The following PLXNC1 variants were observed in gnomAD, a reference collection of about 807,000 sequenced individuals.
PLXNC1 encodes the protein plexin C1, also known as plexin-C1.
PLXNC1 carries 75 observed loss-of-function variants against 178.2 expected under a neutral mutation model. The ratio of observed to expected loss-of-function variants is 0.42; its 90% confidence interval spans 0.35 to 0.51. The LOEUF (loss-of-function observed/expected upper bound fraction) is 0.51. Among genes scored for constraint, PLXNC1 ranks in the 20% least tolerant of loss-of-function variants. The pLI, the probability that PLXNC1 is intolerant of heterozygous loss-of-function variation, is 0.02. For synonymous variants in PLXNC1, 790 were observed against 779.9 expected (o/e 1.01, Z -0.22); for missense variants, 1,503 against 1,984.4 (o/e 0.76, Z 4.61).
intron 11 of PLXNC1, 31 bp downstream of exon 11, chr12:94,240,695 T>C (rs1160174625): frequency 1.3e-6 from 2 of 1,547,092 alleles, no homozygotes; most frequent in Non-Finnish European, 1.8e-6. Flanking sequence ...CTTTTTCTCA[T>C]TGTGGTTAAA....
chr12:94,303,513 C>T (rs954241394), intron 28 of PLXNC1, among the ~76,000 whole-genome samples: 3 of 152,002 alleles, frequency 2.0e-5, no homozygotes, highest in African/African-American at 7.2e-5. Context: ...GAGAGGAAGG[C>T]AGAATATATT....
chr12:94,156,607 A>C (rs1961175964), intron 1 of PLXNC1, among the ~76,000 whole-genome samples: 1 of 151,682 alleles, frequency 6.6e-6, no homozygotes. Flanking sequence ...CCTCCTGAGT[A>C]GCTGGGACCA....
At chr12:94,286,042 T>TGAA (rs1273459311) in intron 23 of PLXNC1, among the ~76,000 whole-genome samples, 3 of 152,128 alleles carry the variant, frequency 2.0e-5, no homozygotes, top group Non-Finnish European at 4.4e-5. Flanking sequence ...CAAGGCAAGG[T>TGAA]GAAGGCCTGT....
chr12:94,291,374 C>T (rs1213303778), intron 23 of PLXNC1, among the ~76,000 whole-genome samples: 5 of 152,146 alleles, frequency 3.3e-5, no homozygotes, highest in Admixed American at 1.3e-4. Flanking sequence ...CAGGCGTGTG[C>T]CACAATGCTC....
chr12:94,222,270 C>T (rs3847814), intron 6 of PLXNC1, among the ~76,000 whole-genome samples: 35,156 of 152,054 alleles, frequency 0.23, 4,478 homozygotes, highest in African/African-American at 0.32. Context: ...CTTCACCTGC[C>T]GTTTTCTGAA....
chr12:94,186,298 TCA>T, intron 3 of PLXNC1, 73 bp from the exon 4 acceptor site: 1 of 1,059,664 alleles, frequency 9.4e-7, no homozygotes, highest in South Asian at 1.3e-5. Flanking sequence ...TTTTGGCCCT[TCA>T]TTAGATAAGG....
intron 26 of PLXNC1, among the ~76,000 whole-genome samples, chr12:94,298,020 T>C (rs1287781698): frequency 6.6e-6 from 1 of 152,162 alleles, no homozygotes; most frequent in Admixed American, 6.6e-5. Context: ...AATGCTATGA[T>C]CTACACTTGG....
chr12:94,267,249 A>G (rs1965294995), intron 21 of PLXNC1, among the ~76,000 whole-genome samples: 1 of 152,230 alleles, frequency 6.6e-6, no homozygotes, highest in Non-Finnish European at 1.5e-5. Flanking sequence ...AAAGGAGAAG[A>G]TGGGTTGGAA....
chr12:94,281,724 G>A (rs1490076366), intron 22 of PLXNC1: 1 of 153,012 alleles, frequency 6.5e-6, no homozygotes, highest in Admixed American at 6.5e-5. Flanking sequence ...TCCAGCCTAT[G>A]TGCAATCTTT....
rs1039580054 is a variant in PLXNC1 at position 94,254,937 on chromosome 12, A to G, written c.2983+49A>G. 17 of 1,429,434 alleles carry G rather than the reference A, an allele frequency of 1.2e-5. No individual in the cohort carries two copies. The African/African-American group carries it at 2.4e-4, about 20-fold the overall frequency. The allele number at this position is 1,429,434 out of a possible 1,614,324, so 88.5% of individuals were successfully genotyped here. A position where few individuals can be genotyped will look rare whatever the true frequency, so the allele number is the denominator to read the frequency against. ...AGAAAAACAAGCCTTTTATATTTAT[A>G]CTTTTATTTTTTTACCCTTACATAG... On this transcript the variant is annotated intron_variant, in intron 16 of 30. Transcript: ENST00000258526.
At chr12:94,216,102 C>A (rs1221726708) in intron 5 of PLXNC1, among the ~76,000 whole-genome samples, 4 of 151,996 alleles carry the variant, frequency 2.6e-5, no homozygotes, top group Non-Finnish European at 5.9e-5. Context: ...ACTGTCTCTA[C>A]TACAAATACA....
intron 14 of PLXNC1, among the ~76,000 whole-genome samples, chr12:94,250,642 C>CA (rs1046874753): frequency 2.6e-5 from 4 of 152,006 alleles, no homozygotes; most frequent in African/African-American, 4.8e-5. Context: ...AAATATAACC[C>CA]AAAAAAATGC....
At chr12:94,156,073 C>A (rs138445478) in intron 1 of PLXNC1, among the ~76,000 whole-genome samples, 1,974 of 152,310 alleles carry the variant, frequency 0.013, 23 homozygotes, top group Middle Eastern at 0.017. Context: ...ATTATTCAAC[C>A]TTTCTGTGCC....
intron 5 of PLXNC1, among the ~76,000 whole-genome samples, chr12:94,213,726 C>T (rs1963560017): frequency 6.6e-6 from 1 of 152,130 alleles, no homozygotes; most frequent in Non-Finnish European, 1.5e-5. Flanking sequence ...AAGTCTTTGC[C>T]CATGCCTATG....
At chr12:94,157,500 A>T (rs1469236903) in intron 1 of PLXNC1, among the ~76,000 whole-genome samples, 1 of 152,192 alleles carries the variant, frequency 6.6e-6, no homozygotes, top group Non-Finnish European at 1.5e-5. Flanking sequence ...GTTTTTTATG[A>T]AATGTGCTTA....
intron 3 of PLXNC1, among the ~76,000 whole-genome samples, chr12:94,185,165 G>A (rs1962465373): frequency 1.3e-5 from 2 of 152,164 alleles, no homozygotes; most frequent in African/African-American, 4.8e-5. Flanking sequence ...CTCTATTCTG[G>A]TTAATTCCGG....
At chr12:94,265,985 TGGA>T (rs1020227304) in intron 21 of PLXNC1, among the ~76,000 whole-genome samples, 1 of 152,226 alleles carries the variant, frequency 6.6e-6, no homozygotes, top group African/African-American at 2.4e-5. Flanking sequence ...AGTAGAGACT[TGGA>T]GAAGAGATTG....
chr12:94,198,093 A>G (rs1962984497), intron 4 of PLXNC1, among the ~76,000 whole-genome samples: 1 of 152,230 alleles, frequency 6.6e-6, no homozygotes, highest in Non-Finnish European at 1.5e-5. Context: ...TCATTGCAGC[A>G]CTATTCACAT....
In PLXNC1 at chr12:94,304,304, C is replaced by G. The variant is rs552031521; in HGVS notation, c.4602+253C>G. 1.7e-5 allele frequency: 6 copies of G among 354,592 alleles called. No homozygotes were observed. In the East Asian group the frequency reaches 2.7e-4, roughly 16 times the overall value. The allele number at this position is 354,592 out of a possible 1,614,324, so 22.0% of individuals were successfully genotyped here. On this transcript the variant is annotated intron_variant, in intron 30 of 30. Coordinates refer to ENST00000258526, the MANE Select transcript of PLXNC1 (RefSeq NM_005761.3). ...TGAGTTCATGGGGCCTACAGCCACC[C>G]TGACTCAAGTTAACTTTGATGAGTA...
Sources: allele counts gnomAD v4.1 joint callset (sites outside exome capture counted in the v4.1 genomes callset), GRCh38; gene constraint gnomAD v4.1.1; transcripts MANE v1.5; gene names NCBI Gene and HGNC (gene_info 2026-07-23, HGNC 2026-07-21).